The following JMJD1C variants were observed in gnomAD, a reference collection of about 807,000 sequenced individuals.
JMJD1C encodes jumonji domain-containing protein 1C.
A neutral mutation model predicts 245.3 loss-of-function variants in JMJD1C; 31 were observed. That is an observed-to-expected ratio of 0.13 (90% CI 0.09 to 0.17). The LOEUF (loss-of-function observed/expected upper bound fraction) is 0.17. Among genes scored for constraint, JMJD1C ranks in the 10% least tolerant of loss-of-function variants. The pLI is 1.00. For missense variants in JMJD1C, 2,691 were observed against 3,000.2 expected, an observed-to-expected ratio of 0.90 and a Z score of 2.41; for synonymous variants, 1,057 against 1,017.4, an observed-to-expected ratio of 1.04 and a Z score of -0.74.
intron 1 of JMJD1C, among the ~76,000 whole-genome samples, chr10:63,516,217 G>A (rs749984670): frequency 3.1e-5 from 4 of 129,668 alleles, no homozygotes; most frequent in African/African-American, 1.2e-4. Context: ...AATTGGGTAT[G>A]TTTCTGGACT....
intron 2 of JMJD1C, among the ~76,000 whole-genome samples, chr10:63,322,981 A>C (rs192332155): frequency 2.6e-5 from 4 of 151,960 alleles, no homozygotes; most frequent in African/African-American, 7.2e-5. Context: ...AAAAGTATTT[A>C]ATATATATAA....
chr10:63,326,361 C>CA (rs1941498603), intron 2 of JMJD1C, among the ~76,000 whole-genome samples: 1 of 149,540 alleles, frequency 6.7e-6, no homozygotes, highest in African/African-American at 2.5e-5. Flanking sequence ...AGCTGGGAGA[C>CA]AGAGCGCAAT....
At chr10:63,275,456 G>A (rs1369773345) in intron 2 of JMJD1C, among the ~76,000 whole-genome samples, 1 of 152,052 alleles carries the variant, frequency 6.6e-6, no homozygotes, top group Non-Finnish European at 1.5e-5. Flanking sequence ...CTTTCACAAA[G>A]GAGAAATAAG....
At chr10:63,391,204 T>C (rs928458211) in intron 1 of JMJD1C, among the ~76,000 whole-genome samples, 7 of 152,014 alleles carry the variant, frequency 4.6e-5, no homozygotes, top group African/African-American at 1.4e-4. Flanking sequence ...AATAATGCAA[T>C]AGCTGAGAAA....
At chr10:63,465,991 C>G (rs578065500), upstream of JMJD1C, 2 of 301,274 alleles carry the variant, frequency 6.6e-6, no homozygotes, top group East Asian at 1.5e-4. Flanking sequence ...CCGTCTCCCT[C>G]CCCGGGCAGC....
chr10:63,177,906 G>C lies in JMJD1C; in HGVS notation c.7085-50C>G, dbSNP rs1247501140. 5 of 1,586,022 alleles carry C rather than the reference G, an allele frequency of 3.2e-6. No individual in the cohort carries two copies. The African/African-American group carries it at 4.1e-5, about 13-fold the overall frequency. On this transcript the variant is annotated intron_variant, in intron 22 of 25. Coordinates refer to ENST00000399262, the MANE Select transcript of JMJD1C (RefSeq NM_032776.3). ...AATTGTCGGCAAAGAATACCAGAAA[G>C]CCAAGTCTCCTAAAGTTGATCTATC...
chr10:63,251,987 T>C (rs761347418), intron 3 of JMJD1C, among the ~76,000 whole-genome samples: 1 of 152,176 alleles, frequency 6.6e-6, no homozygotes, highest in Non-Finnish European at 1.5e-5. Flanking sequence ...CACTCCAGCC[T>C]GGGGTGACAG....
intron 1 of JMJD1C, among the ~76,000 whole-genome samples, chr10:63,488,484 G>A (rs955504960): frequency 1.3e-5 from 2 of 151,416 alleles, no homozygotes; most frequent in African/African-American, 4.9e-5. Context: ...CTTTCCTAAC[G>A]TTTCTTGAAA....
At chr10:63,358,344 T>C (rs1021710232) in intron 2 of JMJD1C, among the ~76,000 whole-genome samples, 1 of 152,058 alleles carries the variant, frequency 6.6e-6, no homozygotes, top group African/African-American at 2.4e-5. Context: ...TGGCAACTAA[T>C]TGTCATGTTT....
At chr10:63,197,183 AG>A (rs1205280908) in intron 13 of JMJD1C, among the ~76,000 whole-genome samples, 1 of 152,182 alleles carries the variant, frequency 6.6e-6, no homozygotes, top group African/African-American at 2.4e-5. Context: ...GACTGAAATG[AG>A]AAGATGGATA....
intron 1 of JMJD1C, among the ~76,000 whole-genome samples, chr10:63,408,038 T>C (rs947441501): frequency 6.6e-6 from 1 of 152,046 alleles, no homozygotes; most frequent in Non-Finnish European, 1.5e-5. Context: ...TAGAAACAAT[T>C]CAGAAAAACT....
chr10:63,190,735 T>A (rs1844699242), intron 17 of JMJD1C, among the ~76,000 whole-genome samples, 159 bp downstream of exon 17: 1 of 152,240 alleles, frequency 6.6e-6, no homozygotes, highest in African/African-American at 2.4e-5. Flanking sequence ...AAATGCCAGC[T>A]TTCAAGGTAA....
At position 63,349,100 on chromosome 10, in the gene JMJD1C, C is replaced by CAAAAAAAAA. The variant is rs71463516; in HGVS notation, c.333+31209_333+31217dup. On this transcript the variant is annotated intron_variant, in intron 2 of 25. Transcript: ENST00000399262. The stretch of plus-strand genomic sequence containing the variant: ...TGGGTGACAGAGTGAGACTCTGTCT[C>CAAAAAAAAA]AAAAAAAAAAAAAAAAAAAAAAAAA... Among the ~76,000 whole-genome samples, 202 of 34,852 alleles carry CAAAAAAAAA rather than the reference C, an allele frequency of 5.8e-3. 33 individuals are homozygous for CAAAAAAAAA. The highest frequency in any genetic ancestry group is 0.013 in the African/African-American group (111 of 8,270). 22.9% of individuals were successfully genotyped at this position (34,852 alleles called of 152,430 possible).
intron 1 of JMJD1C, among the ~76,000 whole-genome samples, chr10:63,421,399 A>G (rs962780334): frequency 6.6e-6 from 1 of 152,194 alleles, no homozygotes; most frequent in African/African-American, 2.4e-5. Context: ...TTATTGCCAT[A>G]AAGTTGGCAA....
intron 1 of JMJD1C, among the ~76,000 whole-genome samples, chr10:63,452,595 A>C (rs1952138274): frequency 6.6e-6 from 1 of 152,212 alleles, no homozygotes; most frequent in African/African-American, 2.4e-5. Context: ...ACCCCAAGGA[A>C]GTAAAAAGCA....
chr10:63,291,591 G>A (rs1301066551), intron 2 of JMJD1C, among the ~76,000 whole-genome samples: 1 of 146,658 alleles, frequency 6.8e-6, no homozygotes, highest in Non-Finnish European at 1.5e-5. Flanking sequence ...CTACAGCCTG[G>A]GCAAAAAGAG....
chr10:63,186,764 TA>T (rs1844178580), intron 18 of JMJD1C, among the ~76,000 whole-genome samples: 1 of 152,194 alleles, frequency 6.6e-6, no homozygotes, highest in Admixed American at 6.5e-5. Context: ...AAAACTACAA[TA>T]AATGATATAA....
At chr10:63,412,089 G>T (rs1443670289) in intron 1 of JMJD1C, among the ~76,000 whole-genome samples, 1 of 151,848 alleles carries the variant, frequency 6.6e-6, no homozygotes, top group East Asian at 1.9e-4. Context: ...AACATGAAGA[G>T]CTATGTACAA....
intron 2 of JMJD1C, among the ~76,000 whole-genome samples, chr10:63,319,339 ATTC>A (rs1205683414): frequency 6.7e-6 from 1 of 148,966 alleles, no homozygotes; most frequent in Non-Finnish European, 1.5e-5. Flanking sequence ...TGCCAATCTA[ATTC>A]TTCTTCATTT....
Sources: allele counts gnomAD v4.1 joint callset (sites outside exome capture counted in the v4.1 genomes callset), GRCh38; gene constraint gnomAD v4.1.1; transcripts MANE v1.5; gene names NCBI Gene and HGNC (gene_info 2026-07-23, HGNC 2026-07-21).